The following ZNF248 variants were observed in gnomAD, a reference collection of about 807,000 sequenced individuals.
The protein encoded by ZNF248 is zinc finger protein 248.
In ZNF248, 20 loss-of-function variants were observed where a neutral mutation model predicts 44.3. The ratio of observed to expected loss-of-function variants is 0.45; its 90% CI spans 0.32 to 0.66. ZNF248 has a LOEUF of 0.66. Among genes scored for constraint, ZNF248 ranks in the 30% least tolerant of loss-of-function variants. The pLI is 0.04. For missense variants in ZNF248, 654 were observed against 677.0 expected, an observed-to-expected ratio of 0.97 and a Z score of 0.38; for synonymous variants, 224 against 229.0, an observed-to-expected ratio of 0.98 and a Z score of 0.20.
Position 37,832,654 on chromosome 10 carries a change from C to A in ZNF248, c.701G>T (p.Arg234Ile). 6.2e-7 allele frequency: 1 copy of A among 1,613,182 alleles called. No homozygotes were observed. Among genetic ancestry groups the A allele is most frequent in the Non-Finnish European group, 8.5e-7 (1 of 1,179,878 alleles). ...HDEAAFFTNK[R>I]SQIGETVCKY... ...ACAGACTGTCTCTCCTATCTGAGATCTCTTATTTGTAAAAAATGCTGCCTC... is the reference window on the plus strand; with the variant it reads ...ACAGACTGTCTCTCCTATCTGAGATATCTTATTTGTAAAAAATGCTGCCTC... Residue 234 changes from arginine (R) to isoleucine (I), a missense_variant, in exon 6 of 6, where the codon AGA becomes ATA. Coordinates refer to ENST00000395867, the MANE Select transcript of ZNF248 (RefSeq NM_021045.3).
At chr10:37,760,317 C>T in the ZNF248 span, among the ~76,000 whole-genome samples, 2 of 152,160 alleles carry the variant, frequency 1.3e-5, no homozygotes, top group Non-Finnish European at 2.9e-5. Context: ...GTAGTCTCAA[C>T]TTCCCTGAGC....
chr10:37,804,838 G>A (rs2050334702), intron 6 of ZNF248, among the ~76,000 whole-genome samples: 1 of 152,132 alleles, frequency 6.6e-6, no homozygotes, highest in Non-Finnish European at 1.5e-5. Flanking sequence ...TCATTCACAA[G>A]CACTAAAGCA....
At position 37,856,335 on chromosome 10, in the gene ZNF248, G is replaced by A. The variant is rs770749938; in HGVS notation, c.-25C>T. On this transcript the variant is annotated splice_region_variant and 5_prime_UTR_variant, in exon 3 of 6. Transcript: ENST00000395867. The stretch of plus-strand genomic sequence containing the variant: ...TTTTCCGCTCTTAGTGGAGGAAGGA[G>A]AGCTGAAGGATTAGAAAGGAAGAAT... The A allele has an allele frequency of 1.6e-5, 26 of 1,613,074 alleles. No individual in the cohort carries two copies. Among genetic ancestry groups the A allele is most frequent in the African/African-American group, 2.7e-5 (2 of 74,850 alleles).
intron 6 of ZNF248, among the ~76,000 whole-genome samples, chr10:37,805,069 T>TA (rs577642629): frequency 2.4e-4 from 36 of 152,282 alleles, no homozygotes; most frequent in African/African-American, 8.4e-4. Context: ...AGAAAAAAAC[T>TA]AGACAAATAA....
intron 3 of ZNF248, among the ~76,000 whole-genome samples, chr10:37,851,202 T>C (rs1382299646): frequency 2.0e-5 from 3 of 152,224 alleles, no homozygotes; most frequent in Non-Finnish European, 4.4e-5. Flanking sequence ...ACAAGAAAGC[T>C]GTCCTGTCTC....
chr10:37,791,568 C>T (rs1240482747), intron 6 of ZNF248: 4 of 152,026 alleles, frequency 2.6e-5, no homozygotes, highest in Non-Finnish European at 5.9e-5. Context: ...AAATAGCCAC[C>T]CCACAACAGG....
chr10:37,779,439 A>G (rs1383714552), intron 6 of ZNF248, among the ~76,000 whole-genome samples: 1 of 152,188 alleles, frequency 6.6e-6, no homozygotes, highest in Non-Finnish European at 1.5e-5. Flanking sequence ...ATAGATGCAG[A>G]AAAGGCCTTT....
At chr10:37,799,701 TA>T (rs1372907037) in intron 6 of ZNF248, among the ~76,000 whole-genome samples, 2 of 152,074 alleles carry the variant, frequency 1.3e-5, no homozygotes, top group African/African-American at 4.8e-5. Context: ...GAGAATTAAT[TA>T]AGGATGAATG....
At chr10:37,779,034 G>C (rs12762069) in intron 6 of ZNF248, among the ~76,000 whole-genome samples, 272 of 152,092 alleles carry the variant, frequency 1.8e-3, no homozygotes, top group Non-Finnish European at 3.1e-3. Flanking sequence ...AGCTTACCAA[G>C]CAAAAAGAGT....
At chr10:37,758,619 C>T in the ZNF248 span, among the ~76,000 whole-genome samples, 1 of 152,204 alleles carries the variant, frequency 6.6e-6, no homozygotes, top group African/African-American at 2.4e-5. Context: ...AGTACTTATT[C>T]TATTTTCTCC....
intron 6 of ZNF248, among the ~76,000 whole-genome samples, chr10:37,790,405 C>T (rs1384759837): frequency 1.3e-5 from 2 of 151,202 alleles, no homozygotes; most frequent in African/African-American, 2.4e-5. Flanking sequence ...CATAGGGAGA[C>T]GCTGTCTCTA....
chr10:37,856,774 T>A (rs1229796747), intron 1 of ZNF248: 1 of 953,544 alleles, frequency 1.0e-6, no homozygotes, highest in African/African-American at 1.8e-5. Context: ...TCTAACTTGC[T>A]AACAATTCCT....
At chr10:37,770,435 T>C in the ZNF248 span, among the ~76,000 whole-genome samples, 2 of 152,088 alleles carry the variant, frequency 1.3e-5, no homozygotes, top group Non-Finnish European at 2.9e-5. Flanking sequence ...TATAGATCAA[T>C]AGAACAGAAC....
chr10:37,853,327 G>C (rs1392647662), intron 3 of ZNF248, among the ~76,000 whole-genome samples: 1 of 152,134 alleles, frequency 6.6e-6, no homozygotes, highest in Non-Finnish European at 1.5e-5. Context: ...GCCTTCAAGG[G>C]GGAGGATGAT....
chr10:37,851,701 T>C (rs1012510032), intron 3 of ZNF248, among the ~76,000 whole-genome samples: 2 of 110,604 alleles, frequency 1.8e-5, no homozygotes, highest in Non-Finnish European at 3.6e-5. Context: ...AGGCAGAAAA[T>C]ACACATGAAA....
At chr10:37,777,531 G>A (rs1295114182) in intron 6 of ZNF248, among the ~76,000 whole-genome samples, 1 of 141,386 alleles carries the variant, frequency 7.1e-6, no homozygotes, top group Non-Finnish European at 1.6e-5. Flanking sequence ...CCTGGTCTTC[G>A]ACTCTTTTTT....
chr10:37,770,629 G>T, the ZNF248 span, among the ~76,000 whole-genome samples: 1 of 152,246 alleles, frequency 6.6e-6, no homozygotes, highest in East Asian at 1.9e-4. Flanking sequence ...ATTCAAGATG[G>T]ATTAAAGACT....
chr10:37,854,489 C>CA (rs1387415255), intron 3 of ZNF248, among the ~76,000 whole-genome samples: 2 of 152,206 alleles, frequency 1.3e-5, no homozygotes, highest in Non-Finnish European at 2.9e-5. Flanking sequence ...CAACCTCACT[C>CA]AGTGAAGAAA....
intron 6 of ZNF248, chr10:37,818,725 T>C: frequency 1.7e-6 from 1 of 600,748 alleles, no homozygotes; most frequent in South Asian, 1.7e-5. Flanking sequence ...GGCCAGTTGC[T>C]GGGCATCAAT....
Sources: gnomAD v4.1 joint callset for allele counts (sites outside exome capture counted in the v4.1 genomes callset) on GRCh38, gnomAD v4.1.1 for gene constraint, MANE v1.5 for transcripts, NCBI Gene and HGNC (gene_info 2026-07-23, HGNC 2026-07-21) for gene names.